IL1RAPL2: variants seen among roughly 807,000 people sequenced by gnomAD.
IL1RAPL2 encodes interleukin 1 receptor accessory protein like 2, also known as X-linked interleukin-1 receptor accessory protein-like 2.
Under a neutral mutation model 44.1 loss-of-function variants are expected in IL1RAPL2, and 3 were observed. The observed-to-expected ratio is 0.07, with a 90% CI of 0.03 to 0.18. The LOEUF is 0.18. Ranked by LOEUF, IL1RAPL2 falls within the 10% of genes least tolerant of loss-of-function variation. The pLI is 1.00. For missense variants in IL1RAPL2, 391 were observed against 496.4 expected (o/e 0.79, Z 2.02); for synonymous variants, 181 against 178.8 (o/e 1.01, Z -0.10).
intron 4 of IL1RAPL2, among the ~76,000 whole-genome samples, chrX:105,239,909 G>A (rs782222841): frequency 5.4e-5 from 6 of 111,542 alleles, no homozygotes; most frequent in East Asian, 2.8e-4. Flanking sequence ...CACCCTTCTC[G>A]CAAGGAAAAG....
intron 5 of IL1RAPL2, among the ~76,000 whole-genome samples, chrX:105,321,333 A>G (rs2034895741): frequency 9.0e-6 from 1 of 111,723 alleles, no homozygotes; most frequent in Admixed American, 9.5e-5. Context: ...TCCTTTAGTG[A>G]CAGAACCAAG....
In IL1RAPL2 at chrX:105,446,609, A is replaced by G. The variant is rs187488866; in HGVS notation, c.698-37704A>G. 6.3e-5 allele frequency among the ~76,000 whole-genome samples: 7 copies of G among 110,914 alleles called. No homozygotes were observed. In the East Asian group the frequency reaches 1.4e-3, roughly 22 times the overall value. Reference sequence around the variant, plus strand: ...CGATGAGGCCTGCAAACACTATCTTATAACCCATTATTTTAAACTGATGAC... The same window carrying G: ...CGATGAGGCCTGCAAACACTATCTTGTAACCCATTATTTTAAACTGATGAC... On this transcript the variant is annotated intron_variant, in intron 5 of 10. Transcript: ENST00000372582.
intron 6 of IL1RAPL2, among the ~76,000 whole-genome samples, chrX:105,622,615 T>C (rs1356751664): frequency 3.6e-5 from 4 of 111,726 alleles, no homozygotes; most frequent in Non-Finnish European, 5.7e-5. Flanking sequence ...AGCAGCCATT[T>C]AGACTGAATG....
At chrX:105,723,688 C>G (rs185464456) in intron 7 of IL1RAPL2, among the ~76,000 whole-genome samples, 1 of 111,440 alleles carries the variant, frequency 9.0e-6, no homozygotes, top group Admixed American at 9.6e-5. Context: ...AATGTGCTGG[C>G]AGATTAAGTG....
chrX:104,574,848 T>G (rs763668366), intron 1 of IL1RAPL2, among the ~76,000 whole-genome samples: 15 of 112,412 alleles, frequency 1.3e-4, no homozygotes, highest in Middle Eastern at 4.8e-3. Flanking sequence ...CATCTATGTG[T>G]GCATATAAGC....
intron 2 of IL1RAPL2, among the ~76,000 whole-genome samples, chrX:104,760,566 C>T (rs1369316833): frequency 8.9e-6 from 1 of 111,849 alleles, no homozygotes; most frequent in Non-Finnish European, 1.9e-5. Flanking sequence ...TCCCTACTTG[C>T]CATTTGTACG....
intron 6 of IL1RAPL2, among the ~76,000 whole-genome samples, chrX:105,684,854 T>C (rs1044177000): frequency 2.7e-4 from 30 of 111,851 alleles, no homozygotes; most frequent in South Asian, 7.5e-4. Flanking sequence ...GCAGCAATAT[T>C]TGCTGTTGTG....
chrX:105,251,079 A>G (rs758980542), intron 4 of IL1RAPL2, among the ~76,000 whole-genome samples: 72 of 111,150 alleles, frequency 6.5e-4, no homozygotes, highest in African/African-American at 2.2e-3. Flanking sequence ...AAAATTCTAA[A>G]TGAATTGTAA....
At chrX:104,642,992 G>A (rs1929964181) in intron 1 of IL1RAPL2, among the ~76,000 whole-genome samples, 1 of 111,761 alleles carries the variant, frequency 8.9e-6, no homozygotes, top group African/African-American at 3.3e-5. Context: ...TTCTGAGATA[G>A]GTAATTTTTA....
At chrX:104,888,459 C>CTTTAATT (rs1459639803) in intron 2 of IL1RAPL2, among the ~76,000 whole-genome samples, 1 of 111,326 alleles carries the variant, frequency 9.0e-6, no homozygotes. Flanking sequence ...CAATTTACTC[C>CTTTAATT]TACCTTTAAT....
chrX:105,519,754 T>C (rs1261674825), intron 6 of IL1RAPL2, among the ~76,000 whole-genome samples: 1 of 111,580 alleles, frequency 9.0e-6, no homozygotes, highest in East Asian at 2.8e-4. Flanking sequence ...AGGCTGAGTG[T>C]AGAAGTTGAC....
chrX:105,627,111 T>C (rs766216293), intron 6 of IL1RAPL2, among the ~76,000 whole-genome samples: 9 of 112,283 alleles, frequency 8.0e-5, no homozygotes, highest in Non-Finnish European at 1.7e-4. Context: ...CTTTCTTTAG[T>C]AGGAGCTTAC....
At chrX:105,163,021 T>C (rs746314420) in intron 2 of IL1RAPL2, among the ~76,000 whole-genome samples, 3 of 111,680 alleles carry the variant, frequency 2.7e-5, no homozygotes, top group African/African-American at 9.7e-5. Flanking sequence ...GCAATTGTCT[T>C]GGGGTCCCTT....
At chrX:104,594,949 A>C (rs1231153082) in intron 1 of IL1RAPL2, among the ~76,000 whole-genome samples, 1 of 112,175 alleles carries the variant, frequency 8.9e-6, no homozygotes, top group East Asian at 2.8e-4. Flanking sequence ...GAGAAGTAGC[A>C]GGTGGCTTCG....
chrX:104,677,891 C>G (rs1033245674), intron 2 of IL1RAPL2, among the ~76,000 whole-genome samples: 6 of 112,288 alleles, frequency 5.3e-5, no homozygotes, highest in Non-Finnish European at 7.5e-5. Context: ...TTCTTTGACT[C>G]GGAAAGGGAA....
intron 2 of IL1RAPL2, among the ~76,000 whole-genome samples, chrX:104,956,739 G>C (rs780571846): frequency 1.8e-5 from 2 of 111,534 alleles, no homozygotes; most frequent in African/African-American, 3.3e-5. Context: ...ACCATTAGGA[G>C]AAATTCTGGT....
At chrX:105,028,499 A>T (rs965225925) in intron 2 of IL1RAPL2, among the ~76,000 whole-genome samples, 10 of 111,316 alleles carry the variant, frequency 9.0e-5, no homozygotes, top group African/African-American at 3.3e-4. Flanking sequence ...AAATTTTTTT[A>T]AAAGTTTTGG....
intron 6 of IL1RAPL2, among the ~76,000 whole-genome samples, chrX:105,660,881 G>A (rs1602507092): frequency 1.8e-5 from 2 of 110,795 alleles, no homozygotes; most frequent in Non-Finnish European, 3.8e-5. Context: ...AGAAGACCAC[G>A]AAACAATAAA....
At chrX:104,582,593 T>TC (rs1928379946) in intron 1 of IL1RAPL2, among the ~76,000 whole-genome samples, 1 of 31,277 alleles carries the variant, frequency 3.2e-5, no homozygotes, top group Non-Finnish European at 6.6e-5. Context: ...TTTCTTTCTT[T>TC]CTTTTTCTTT....
Sources: allele counts gnomAD v4.1 joint callset (sites outside exome capture counted in the v4.1 genomes callset), GRCh38; gene constraint gnomAD v4.1.1; transcripts MANE v1.5; gene names NCBI Gene and HGNC (gene_info 2026-07-23, HGNC 2026-07-21).